The following RAPGEF5 variants were observed in gnomAD, a reference collection of about 807,000 sequenced individuals.
RAPGEF5 encodes Rap guanine nucleotide exchange factor 5, also known as M-Ras-regulated GEF.
A neutral mutation model predicts 125.2 loss-of-function variants in RAPGEF5; 65 were observed. The observed-to-expected ratio is 0.52, with a 90% CI of 0.43 to 0.64. RAPGEF5 has a LOEUF of 0.64. Among genes scored for constraint, RAPGEF5 ranks in the 30% least tolerant of loss-of-function variants. The pLI, the probability that RAPGEF5 is intolerant of heterozygous loss-of-function variation, is 0.00. For missense variants in RAPGEF5, 958 were observed against 1,048.1 expected (o/e 0.91, Z 1.19); for synonymous variants, 391 against 385.9 (o/e 1.01, Z -0.16).
rs1417674912 is a variant in RAPGEF5, at chr7:22,203,428, C to T, written c.997-9395G>A. Among the ~76,000 whole-genome samples, 2 of 152,178 alleles carry T rather than the reference C, an allele frequency of 1.3e-5. 1 individual carries two copies. The highest frequency in any genetic ancestry group is 4.8e-5 in the African/African-American group (2 of 41,452). Reference sequence around the variant, plus strand: ...CAAGAGATAGCTAATGCTCTATGGGCTCTTGGTCTTTGGTCAGGGTGACTG... The same window carrying T: ...CAAGAGATAGCTAATGCTCTATGGGTTCTTGGTCTTTGGTCAGGGTGACTG... On this transcript the variant is annotated intron_variant, in intron 9 of 25. Coordinates refer to ENST00000665637, the MANE Select transcript of RAPGEF5 (RefSeq NM_012294.5).
At chr7:22,132,137 A>G (rs1266547019) in intron 23 of RAPGEF5, among the ~76,000 whole-genome samples, 2 of 152,204 alleles carry the variant, frequency 1.3e-5, no homozygotes, top group Non-Finnish European at 2.9e-5. Flanking sequence ...TATAAATAGA[A>G]AAAGAATGTA....
intron 1 of RAPGEF5, among the ~76,000 whole-genome samples, chr7:22,329,392 T>C (rs1428814850): frequency 2.0e-5 from 3 of 152,104 alleles, no homozygotes; most frequent in African/African-American, 7.2e-5. Context: ...ACAAAATATA[T>C]ATGAATTACA....
intron 5 of RAPGEF5, among the ~76,000 whole-genome samples, chr7:22,303,670 C>G (rs1178389150): frequency 6.6e-6 from 1 of 152,094 alleles, no homozygotes; most frequent in East Asian, 1.9e-4. Context: ...ATTGGGTTTT[C>G]AGCAAATGAA....
chr7:22,153,114 C>T (rs560861270), intron 17 of RAPGEF5, among the ~76,000 whole-genome samples: 13 of 152,238 alleles, frequency 8.5e-5, no homozygotes, highest in Middle Eastern at 3.4e-3. Context: ...CCAAAGGAGA[C>T]GGGTCTCAGT....
At chr7:22,201,066 A>T (rs1320049576) in intron 9 of RAPGEF5, among the ~76,000 whole-genome samples, 1 of 152,212 alleles carries the variant, frequency 6.6e-6, no homozygotes, top group East Asian at 1.9e-4. Flanking sequence ...ATGGTGAGAG[A>T]TAACCAGGAC....
At chr7:22,277,528 C>T (rs984225664) in intron 6 of RAPGEF5, among the ~76,000 whole-genome samples, 1 of 152,164 alleles carries the variant, frequency 6.6e-6, no homozygotes, top group Non-Finnish European at 1.5e-5. Flanking sequence ...TCGTGTAAGG[C>T]CCAAAGCAAA....
chr7:22,324,914 C>A (rs752157993), intron 1 of RAPGEF5, among the ~76,000 whole-genome samples: 1 of 152,176 alleles, frequency 6.6e-6, no homozygotes. Context: ...ACCTAGTGAT[C>A]CACACCTTCC....
chr7:22,238,089 A>T (rs551527120), intron 7 of RAPGEF5, among the ~76,000 whole-genome samples: 84 of 152,262 alleles, frequency 5.5e-4, no homozygotes, highest in African/African-American at 1.5e-3. Flanking sequence ...TAATTGGAAA[A>T]TGTTAGAAAA....
chr7:22,136,105 T>C lies in RAPGEF5; in HGVS notation c.2349A>G (p.Lys783=), dbSNP rs772752534. 6.2e-7 allele frequency: 1 copy of C among 1,611,716 alleles called. No homozygotes were observed. The highest frequency in any genetic ancestry group is 8.5e-7 in the Non-Finnish European group (1 of 1,178,970). ...ESLTDPSLNH[K]AYRDAFKKMK... is the part of the protein sequence containing the mutation. Reference sequence around the variant, plus strand: ...TCTTTTTGAATGCATCTCTGTAGGCTTTGTGATTTAGGGAAGGATCCTGCC... The same window carrying C: ...TCTTTTTGAATGCATCTCTGTAGGCCTTGTGATTTAGGGAAGGATCCTGCC... The change falls in exon 23 of 26, where the codon AAA becomes AAG. Residue 783 remains lysine, a synonymous_variant. Transcript: ENST00000665637.
At chr7:22,227,021 A>T (rs1448291406) in intron 8 of RAPGEF5, among the ~76,000 whole-genome samples, 1 of 151,752 alleles carries the variant, frequency 6.6e-6, no homozygotes, top group Non-Finnish European at 1.5e-5. Flanking sequence ...ATAGAATTAT[A>T]AATTTACATA....
chr7:22,332,585 A>C (rs193049071), intron 1 of RAPGEF5, among the ~76,000 whole-genome samples: 325 of 152,328 alleles, frequency 2.1e-3, no homozygotes, highest in African/African-American at 7.4e-3. Flanking sequence ...TGCTAACAAG[A>C]GGTTTTCAAC....
At chr7:22,346,822 G>A (rs1784232794) in intron 1 of RAPGEF5, among the ~76,000 whole-genome samples, 1 of 152,108 alleles carries the variant, frequency 6.6e-6, no homozygotes, top group Non-Finnish European at 1.5e-5. Context: ...TTTCTCTACA[G>A]ATAATACAAA....
chr7:22,157,843 G>C lies in RAPGEF5; in HGVS notation c.1557+12C>G. The C allele has an allele frequency of 4.3e-6, 7 of 1,609,398 alleles. No homozygotes were observed. The highest frequency in any genetic ancestry group is 6.0e-6 in the Non-Finnish European group (7 of 1,175,800). ...GGATCACCTAATTTTAGGTATAGAA[G>C]CATCTGCTTACCTTTTTTTGTGGTG... On this transcript the variant is annotated intron_variant, in intron 15 of 25. Transcript: ENST00000665637.
chr7:22,152,958 C>A (rs568526675), intron 17 of RAPGEF5, among the ~76,000 whole-genome samples: 1 of 152,298 alleles, frequency 6.6e-6, no homozygotes, highest in African/African-American at 2.4e-5. Context: ...ATAGACATTA[C>A]AACGCTATTG....
rs1016079732 is a variant in RAPGEF5 at position 22,355,079 on chromosome 7, A to G, written c.231+1751T>C. Among the ~76,000 whole-genome samples, 19 of 152,370 alleles carry G rather than the reference A, an allele frequency of 1.2e-4. No individual in the cohort carries two copies. The East Asian group carries it at 3.7e-3, about 29-fold the overall frequency. On this transcript the variant is annotated intron_variant, in intron 1 of 25. Coordinates refer to ENST00000665637, the MANE Select transcript of RAPGEF5 (RefSeq NM_012294.5). ...AAAAAGTATGGGTTTCCAACACTGG[A>G]AAAACTGACAATCAAACTTCCTTCA...
chr7:22,325,357 G>A (rs1783793884), intron 1 of RAPGEF5, among the ~76,000 whole-genome samples: 1 of 152,062 alleles, frequency 6.6e-6, no homozygotes, highest in African/African-American at 2.4e-5. Flanking sequence ...ACATCACACT[G>A]TCTGATAACC....
chr7:22,315,816 T>C (rs1196746792), intron 2 of RAPGEF5, among the ~76,000 whole-genome samples: 2 of 152,112 alleles, frequency 1.3e-5, no homozygotes, highest in African/African-American at 4.8e-5. Context: ...ATAATATTTA[T>C]ATCAATACAG....
chr7:22,122,567 T>C (rs199630978), intron 25 of RAPGEF5, 46 bp from the exon 26 acceptor site: 452 of 1,410,572 alleles, frequency 3.2e-4, no homozygotes, highest in Non-Finnish European at 3.7e-4. Context: ...AGAGCAGTAA[T>C]GCTGTATCTA....
intron 1 of RAPGEF5, among the ~76,000 whole-genome samples, chr7:22,346,695 T>C (rs1784230865): frequency 1.3e-5 from 2 of 152,162 alleles, no homozygotes; most frequent in South Asian, 4.1e-4. Flanking sequence ...TTTAAGTTGC[T>C]AGACCAGTTG....
Sources: allele counts gnomAD v4.1 joint callset (sites outside exome capture counted in the v4.1 genomes callset), GRCh38; gene constraint gnomAD v4.1.1; transcripts MANE v1.5; gene names NCBI Gene and HGNC (gene_info 2026-07-23, HGNC 2026-07-21).